The following PCDH7 variants were observed in gnomAD, a reference collection of about 807,000 sequenced individuals.
The protein encoded by PCDH7 is protocadherin 7, also known as protocadherin-7.
PCDH7 carries 17 observed loss-of-function variants against 58.9 expected under a neutral mutation model. The observed-to-expected ratio is 0.29, with a 90% confidence interval of 0.20 to 0.43. The LOEUF is 0.43. Among genes scored for constraint, PCDH7 ranks in the 20% least tolerant of loss-of-function variants. The pLI is 1.00. For missense variants in PCDH7, 1,274 were observed against 1,441.0 expected (o/e 0.88, Z 1.88); for synonymous variants, 664 against 616.4 (o/e 1.08, Z -1.14).
chr4:30,940,384 C>T (rs962949843), intron 2 of PCDH7, among the ~76,000 whole-genome samples: 2 of 151,772 alleles, frequency 1.3e-5, no homozygotes, highest in Admixed American at 1.3e-4. Context: ...AATAAACTTC[C>T]ATTGATTGAT....
chr4:30,924,577 T>C (rs1743603582), intron 2 of PCDH7, among the ~76,000 whole-genome samples: 1 of 152,122 alleles, frequency 6.6e-6, no homozygotes, highest in South Asian at 2.1e-4. Context: ...AGGAGTGGAC[T>C]GAATCAAATG....
At chr4:30,724,280 C>T (rs867608409) in exon 1 of PCDH7, 1 of 1,613,654 alleles carries the variant, frequency 6.2e-7, no homozygotes, top group Non-Finnish European at 8.5e-7. Flanking sequence ...AGCATTGTCA[C>T]TGTGGAGGCT....
At chr4:31,139,879 G>A (rs1720039819) in intron 3 of PCDH7, among the ~76,000 whole-genome samples, 2 of 152,166 alleles carry the variant, frequency 1.3e-5, no homozygotes, top group South Asian at 4.1e-4. Flanking sequence ...CCCCAATCAA[G>A]TGTTTTACTT....
chr4:30,979,239 T>C (rs928950311), intron 3 of PCDH7, among the ~76,000 whole-genome samples: 1 of 147,478 alleles, frequency 6.8e-6, no homozygotes. Flanking sequence ...AGCAGGAGAA[T>C]GGCGTGAACC....
At chr4:30,993,739 A>ATT (rs550362856) in intron 3 of PCDH7, among the ~76,000 whole-genome samples, 1 of 148,234 alleles carries the variant, frequency 6.7e-6, no homozygotes, top group South Asian at 2.1e-4. Context: ...TTCAATTTAG[A>ATT]TTTTTTTTTT....
chr4:30,879,392 GA>G (rs1736675340), intron 1 of PCDH7, among the ~76,000 whole-genome samples: 2 of 151,992 alleles, frequency 1.3e-5, no homozygotes, highest in South Asian at 4.1e-4. Flanking sequence ...AAATTCTTTA[GA>G]TCAGATGATT....
chr4:30,978,620 A>G (rs1479404165), intron 3 of PCDH7, among the ~76,000 whole-genome samples: 1 of 152,188 alleles, frequency 6.6e-6, no homozygotes, highest in African/African-American at 2.4e-5. Flanking sequence ...TTGCAAGAAA[A>G]AAATATTGGA....
intron 1 of PCDH7, among the ~76,000 whole-genome samples, chr4:30,767,731 A>G (rs1720935424): frequency 6.6e-6 from 1 of 152,240 alleles, no homozygotes; most frequent in Non-Finnish European, 1.5e-5. Context: ...TAGCAAAATC[A>G]GATCTTACTA....
intron 1 of PCDH7, among the ~76,000 whole-genome samples, chr4:30,829,862 A>G (rs538474404): frequency 2.0e-5 from 3 of 152,198 alleles, no homozygotes; most frequent in African/African-American, 7.2e-5. Flanking sequence ...ATGTTGTTAT[A>G]TGGACCACTT....
At chr4:30,994,155 T>G (rs1187251772) in intron 3 of PCDH7, among the ~76,000 whole-genome samples, 1 of 152,234 alleles carries the variant, frequency 6.6e-6, no homozygotes, top group Non-Finnish European at 1.5e-5. Context: ...TCTACAATTA[T>G]GTGTTCTATC....
chr4:30,804,270 G>A (rs1187590865), intron 1 of PCDH7, among the ~76,000 whole-genome samples: 1 of 152,202 alleles, frequency 6.6e-6, no homozygotes, highest in African/African-American at 2.4e-5. Flanking sequence ...GCCAGGCACG[G>A]TGGCTCATGC....
At chr4:31,049,369 A>T (rs1174724201) in intron 3 of PCDH7, among the ~76,000 whole-genome samples, 1 of 152,114 alleles carries the variant, frequency 6.6e-6, no homozygotes, top group Non-Finnish European at 1.5e-5. Context: ...TTAGGGTGTG[A>T]TTTACAAGTT....
chr4:30,828,485 T>C (rs1577962590), intron 1 of PCDH7, among the ~76,000 whole-genome samples: 1 of 151,978 alleles, frequency 6.6e-6, no homozygotes. Flanking sequence ...ACCTCATTAA[T>C]AGTCTTCTCT....
chr4:31,051,969 C>T (rs893707569), intron 3 of PCDH7, among the ~76,000 whole-genome samples: 3 of 152,010 alleles, frequency 2.0e-5, no homozygotes, highest in South Asian at 2.1e-4. Context: ...GGTATTCTGA[C>T]GGACTATTTT....
intron 3 of PCDH7, among the ~76,000 whole-genome samples, chr4:31,048,940 A>G (rs539249988): frequency 6.6e-6 from 1 of 152,276 alleles, no homozygotes. Flanking sequence ...AAATATGATG[A>G]TATGTATAAT....
chr4:30,913,557 T>G (rs527457351), intron 1 of PCDH7, among the ~76,000 whole-genome samples: 1 of 152,198 alleles, frequency 6.6e-6, no homozygotes, highest in Non-Finnish European at 1.5e-5. Context: ...TCATGTCATC[T>G]CTAAATCTGT....
intron 3 of PCDH7, among the ~76,000 whole-genome samples, chr4:30,975,084 G>T (rs548525362): frequency 1.3e-5 from 2 of 151,370 alleles, no homozygotes; most frequent in Non-Finnish European, 2.9e-5. Flanking sequence ...CCCCTGAGGA[G>T]GAGAGAGACA....
chr4:31,123,609 T>G (rs1270990468), intron 3 of PCDH7, among the ~76,000 whole-genome samples: 2 of 152,168 alleles, frequency 1.3e-5, no homozygotes, highest in African/African-American at 4.8e-5. Flanking sequence ...TTACAAACAG[T>G]GCTCTTTTAG....
chr4:30,898,909 G>T (rs934825368), intron 1 of PCDH7, among the ~76,000 whole-genome samples: 4 of 151,910 alleles, frequency 2.6e-5, no homozygotes, highest in Middle Eastern at 6.8e-3. Flanking sequence ...CTATTTTTTA[G>T]CAAATGCCTT....
Sources: allele counts gnomAD v4.1 joint callset (sites outside exome capture counted in the v4.1 genomes callset), GRCh38; gene constraint gnomAD v4.1.1; transcripts MANE v1.5; gene names NCBI Gene and HGNC (gene_info 2026-07-23, HGNC 2026-07-21).